Variants in CLCN4 observed in about 807,000 individuals in gnomAD.
CLCN4 encodes the protein Cl-/H+ antiporter 4.
CLCN4 carries 1 observed loss-of-function variant against 41.7 expected under a neutral mutation model. That is an observed-to-expected ratio of 0.02 (90% CI 0.01 to 0.11). CLCN4 has a LOEUF of 0.11. CLCN4 is among the 10% of genes least tolerant of loss of function. CLCN4 has a pLI of 1.00. For missense variants in CLCN4, 287 were observed against 661.0 expected, an observed-to-expected ratio of 0.43 and a Z score of 6.20; for synonymous variants, 277 against 285.8, an observed-to-expected ratio of 0.97 and a Z score of 0.31.
chrX:10,218,114 T>C (rs1924774452), intron 11 of CLCN4, among the ~76,000 whole-genome samples: 1 of 111,790 alleles, frequency 8.9e-6, no homozygotes, highest in African/African-American at 3.2e-5. Context: ...ACAAACCTCC[T>C]ACATTAAAGA....
At chrX:10,182,526 A>C (rs1923710354) in intron 2 of CLCN4, among the ~76,000 whole-genome samples, 1 of 112,692 alleles carries the variant, frequency 8.9e-6, no homozygotes. Flanking sequence ...CCCAGGTTCA[A>C]GTGATTCTCC....
At chrX:10,209,110 C>T (rs188136450) in intron 9 of CLCN4, among the ~76,000 whole-genome samples, 46 of 111,485 alleles carry the variant, frequency 4.1e-4, no homozygotes, top group Non-Finnish European at 2.4e-4. Flanking sequence ...AGATGCAGAC[C>T]TGGAGTTCTG....
At chrX:10,191,879 T>C (rs750522579) in intron 4 of CLCN4, among the ~76,000 whole-genome samples, 13 of 109,226 alleles carry the variant, frequency 1.2e-4, no homozygotes, top group Non-Finnish European at 2.1e-4. Flanking sequence ...ACTTATTTTC[T>C]CCTGTCCCAG....
At position 10,195,138 on chromosome X, in the gene CLCN4, G is replaced by A. The variant is rs144670859; in HGVS notation, c.432+40G>A. On this transcript the variant is annotated intron_variant, in intron 5 of 12. Transcript: ENST00000380833. ...AGGGTCCTGGCTGGGGACCCCTGCC[G>A]TTCCATGCGTGCTTGGGAATGCTGC... 3,346 of 1,110,984 alleles carry A rather than the reference G, an allele frequency of 3.0e-3. 67 individuals are homozygous for A. In the African/African-American group the frequency reaches 0.054, roughly 18 times the overall value. 91.6% of individuals were successfully genotyped at this position (1,110,984 alleles called of 1,213,427 possible).
At chrX:10,167,043 G>GCAGGGC (rs934258044) in intron 2 of CLCN4, among the ~76,000 whole-genome samples, 1 of 112,861 alleles carries the variant, frequency 8.9e-6, no homozygotes, top group Non-Finnish European at 1.9e-5. Context: ...AGTGCTGGGG[G>GCAGGGC]CAGGGCCGGG....
intron 2 of CLCN4, among the ~76,000 whole-genome samples, chrX:10,175,299 T>C (rs1001002564): frequency 9.0e-6 from 1 of 110,896 alleles, no homozygotes; most frequent in Non-Finnish European, 1.9e-5. Context: ...TCTGACGAGG[T>C]AGGAGTTACA....
intron 3 of CLCN4, among the ~76,000 whole-genome samples, chrX:10,186,262 T>C (rs1923808158): frequency 9.1e-6 from 1 of 110,332 alleles, no homozygotes; most frequent in African/African-American, 3.3e-5. Context: ...GGGGGGAGAA[T>C]GAGGTCCCTG....
intron 2 of CLCN4, among the ~76,000 whole-genome samples, chrX:10,181,586 T>C (rs903164714): frequency 2.7e-5 from 3 of 111,387 alleles, no homozygotes; most frequent in African/African-American, 9.8e-5. Flanking sequence ...CCTGACATTT[T>C]TGGTCAAACA....
chrX:10,173,357 GC>G (rs1190268875), intron 2 of CLCN4, among the ~76,000 whole-genome samples: 2 of 111,467 alleles, frequency 1.8e-5, no homozygotes, highest in Non-Finnish European at 3.8e-5. Context: ...CACCTGGGGA[GC>G]TTTTAAAAAT....
intron 2 of CLCN4, among the ~76,000 whole-genome samples, chrX:10,177,576 G>A (rs1278772502): frequency 8.9e-6 from 1 of 111,905 alleles, no homozygotes; most frequent in Non-Finnish European, 1.9e-5. Flanking sequence ...GTCATGTTTC[G>A]TCCCATGATC....
intron 2 of CLCN4, among the ~76,000 whole-genome samples, chrX:10,176,618 G>A (rs1213311028): frequency 8.9e-6 from 1 of 111,957 alleles, no homozygotes; most frequent in Non-Finnish European, 1.9e-5. Flanking sequence ...CCCTGCCCAC[G>A]CTGGCAGGGG....
chrX:10,186,385 G>A (rs1256259368), intron 3 of CLCN4, among the ~76,000 whole-genome samples: 3 of 111,413 alleles, frequency 2.7e-5, no homozygotes, highest in Non-Finnish European at 3.8e-5. Context: ...CCAGGTCCAG[G>A]GGAGGCAGAT....
intron 3 of CLCN4, among the ~76,000 whole-genome samples, chrX:10,186,251 C>T (rs145405178): frequency 5.1e-4 from 56 of 110,646 alleles, no homozygotes; most frequent in Non-Finnish European, 8.5e-4. Flanking sequence ...AGGGAAGGGC[C>T]GGGGGGAGAA....
At chrX:10,185,328 C>G (rs1923782768) in intron 3 of CLCN4, 152 bp downstream of exon 3, 7 of 526,881 alleles carry the variant, frequency 1.3e-5, no homozygotes, top group Admixed American at 4.4e-5. Context: ...GATATATTGG[C>G]AGATCATTGT....
At chrX:10,175,175 G>A (rs5934795) in intron 2 of CLCN4, among the ~76,000 whole-genome samples, 30,140 of 110,622 alleles carry the variant, frequency 0.27, 3,456 homozygotes, top group African/African-American at 0.43. Context: ...GGTGGGCTAC[G>A]CAGTTAGGAG....
chrX:10,221,215 G>A (rs1924852582), intron 12 of CLCN4, among the ~76,000 whole-genome samples: 4 of 111,588 alleles, frequency 3.6e-5, no homozygotes, highest in Admixed American at 9.5e-5. Flanking sequence ...CTGCTATAAC[G>A]TGATGTATGC....
chrX:10,198,774 C>T (rs777582274), intron 6 of CLCN4, among the ~76,000 whole-genome samples: 1 of 112,003 alleles, frequency 8.9e-6, no homozygotes, highest in Non-Finnish European at 1.9e-5. Flanking sequence ...AGCTGATTCC[C>T]GAAAAGCCCA....
intron 4 of CLCN4, 96 bp downstream of exon 4, chrX:10,187,710 C>T (rs751174217): frequency 2.9e-5 from 19 of 661,197 alleles, no homozygotes; most frequent in Non-Finnish European, 4.4e-5. Flanking sequence ...TAGCGCGTGT[C>T]GCTTGTCGCT....
At chrX:10,226,924 C>T (rs1423165968) in intron 12 of CLCN4, among the ~76,000 whole-genome samples, 1 of 110,556 alleles carries the variant, frequency 9.0e-6, no homozygotes, top group Non-Finnish European at 1.9e-5. Flanking sequence ...CAAAAAAATC[C>T]CAGGACCAGA....
Sources: allele counts gnomAD v4.1 joint callset (sites outside exome capture counted in the v4.1 genomes callset), GRCh38; gene constraint gnomAD v4.1.1; transcripts MANE v1.5; gene names NCBI Gene and HGNC (gene_info 2026-07-23, HGNC 2026-07-21).